The following MPP4 variants were observed in gnomAD, a reference collection of about 807,000 sequenced individuals.
MPP4 encodes the protein MAGUK p55 scaffold protein 4, also known as MAGUK p55 subfamily member 4.
Under a neutral mutation model 98.3 loss-of-function variants are expected in MPP4, and 91 were observed. The observed-to-expected ratio is 0.93, with a 90% CI of 0.78 to 1.10. The LOEUF (loss-of-function observed/expected upper bound fraction) is 1.10. MPP4 is among the 50% of genes least tolerant of loss of function. The pLI, the probability that MPP4 is intolerant of heterozygous loss-of-function variation, is 0.00. For missense variants in MPP4, 744 were observed against 792.9 expected, an observed-to-expected ratio of 0.94 and a Z score of 0.74; for synonymous variants, 261 against 271.8, an observed-to-expected ratio of 0.96 and a Z score of 0.39.
At chr2:201,687,248 T>C in intron 5 of MPP4, 43 bp downstream of exon 5, 1 of 1,473,572 alleles carries the variant, frequency 6.8e-7, no homozygotes, top group South Asian at 1.2e-5. Context: ...ACTTTGTCTA[T>C]GTGCCAGATG....
intron 20 of MPP4, among the ~76,000 whole-genome samples, chr2:201,648,108 C>G (rs114495813): frequency 6.6e-5 from 10 of 152,260 alleles, no homozygotes; most frequent in Admixed American, 5.9e-4. Flanking sequence ...CTGCAACTAC[C>G]GCCTTCCCAG....
rs1687677227 is a variant in MPP4, at chr2:201,650,180, G to T, written c.1382-15C>A. On this transcript the variant is annotated splice_polypyrimidine_tract_variant and intron_variant, in intron 18 of 21. Coordinates refer to ENST00000409474, the MANE Select transcript of MPP4 (RefSeq NM_033066.3). ...ACGAGTAGTGTCTATCAGAAAAAGG[G>T]AATGAAAGGTTTCAGTGTCTTCAGA... 6.4e-7 allele frequency: 1 copy of T among 1,551,786 alleles called. No individual in the cohort carries two copies.
rs1688824601 is a variant in MPP4, at chr2:201,686,172, GAC to G, written c.361-124_361-123del. Reference sequence around the variant, plus strand: ...AACAAACACCAATACAGACATGCCAGACACAGTGCGAAGCATTTTATATGAAT... The same window carrying G: ...AACAAACACCAATACAGACATGCCAGACAGTGCGAAGCATTTTATATGAAT... On this transcript the variant is annotated intron_variant, in intron 5 of 21. Transcript: ENST00000409474. 5 of 1,156,832 alleles carry G rather than the reference GAC, an allele frequency of 4.3e-6. No homozygotes were observed. The East Asian group carries it at 1.3e-4, about 29-fold the overall frequency. The allele number at this position is 1,156,832 out of a possible 1,614,324, so 71.7% of individuals were successfully genotyped here.
At position 201,686,016 on chromosome 2, in the gene MPP4, T is replaced by C; in HGVS notation, c.395A>G (p.Lys132Arg). 3 of 1,612,550 alleles carry C rather than the reference T, an allele frequency of 1.9e-6. No homozygotes were observed. The highest frequency in any genetic ancestry group is 2.5e-6 in the Non-Finnish European group (3 of 1,178,738). ...LLSAHDTIAQ[K>R]DFEPLLPPLP... ...TGGAGGGAGAAGGGGTTCAAAATCT[T>C]TCTGAGCTATCGTGTCATGGGCACT... is the stretch of plus-strand genomic sequence containing the variant. Residue 132 changes from lysine to arginine, a missense_variant, in exon 6 of 22, where the codon AAA (lysine) becomes AGA (arginine). Transcript: ENST00000409474.
chr2:201,698,597 G>A lies in MPP4; in HGVS notation c.-111C>T. 2.3e-6 allele frequency: 3 copies of A among 1,303,908 alleles called. No homozygotes were observed. The highest frequency in any genetic ancestry group is 1.5e-5 in the African/African-American group (1 of 65,948). 80.8% of individuals were successfully genotyped at this position (1,303,908 alleles called of 1,614,324 possible). ...GCCAAGGTCTCTTACCTGCAAGACT[G>A]TAAACATGCATGTTGCTCCTATCCA... is the stretch of plus-strand genomic sequence containing the variant. On this transcript the variant is annotated 5_prime_UTR_variant, in exon 1 of 22. Transcript: ENST00000409474.
At chr2:201,681,614 G>A in intron 8 of MPP4, 47 bp from the exon 9 acceptor site, 1 of 1,450,612 alleles carries the variant, frequency 6.9e-7, no homozygotes, top group Non-Finnish European at 9.7e-7. Context: ...GAGCTAGCAG[G>A]GTTACTGGGG....
Position 201,656,237 on chromosome 2 carries a change from G to T in MPP4, c.1261C>A (p.Arg421=), listed in dbSNP as rs763154493. The T allele has an allele frequency of 4.4e-6, 7 of 1,604,540 alleles. No homozygotes were observed. The highest frequency in any genetic ancestry group is 6.0e-6 in the Non-Finnish European group (7 of 1,175,650). The change falls in exon 17 of 22, where the codon CGA becomes AGA. Residue 421 remains arginine, a synonymous_variant. Coordinates refer to ENST00000409474, the MANE Select transcript of MPP4 (RefSeq NM_033066.3). Reference sequence around the variant, plus strand: ...AGGCGGTACTTGTCTGAAGGGCGTCGCTGGTACCTCACCACCTCCTCGTAA... The same window carrying T: ...AGGCGGTACTTGTCTGAAGGGCGTCTCTGGTACCTCACCACCTCCTCGTAA... ...APYEEVVRYQ[R]RPSDKYRLIV... is the part of the protein sequence containing the mutation.
At chr2:201,691,491 T>TA (rs1043747819) in intron 3 of MPP4, among the ~76,000 whole-genome samples, 3 of 152,156 alleles carry the variant, frequency 2.0e-5, no homozygotes, top group Non-Finnish European at 4.4e-5. Context: ...TTAGCCAAAT[T>TA]AAAAAAGAAT....
chr2:201,680,944 T>A lies in MPP4; in HGVS notation c.823A>T (p.Ile275Phe). ...TCATTCTGGTCCACAATCTGGAGGA[T>A]GTCCCCCTTCTGGAAAGGCAATCCA... ...DAGLPFQKGD[I>F]LQIVDQNDAL... Residue 275 changes from isoleucine (I) to phenylalanine (F), a missense_variant, in exon 10 of 22, where the codon ATC becomes TTC. Transcript: ENST00000409474. 1 of 1,613,922 alleles carries A rather than the reference T, an allele frequency of 6.2e-7. No individual in the cohort carries two copies. The highest frequency in any genetic ancestry group is 8.5e-7 in the Non-Finnish European group (1 of 1,179,866).
intron 10 of MPP4, among the ~76,000 whole-genome samples, chr2:201,678,499 G>C (rs968312274): frequency 6.6e-6 from 1 of 152,108 alleles, no homozygotes; most frequent in Non-Finnish European, 1.5e-5. Context: ...CTTCAAGAGG[G>C]GGATGTTTCC....
intron 8 of MPP4, 59 bp downstream of exon 8, chr2:201,682,772 C>T: frequency 6.8e-7 from 1 of 1,479,272 alleles, no homozygotes. Context: ...GCTTGATGGT[C>T]CCAGTTCAGC....
rs373448920 is a variant in MPP4, at chr2:201,685,086, G to A, written c.552C>T (p.His184=). 6.0e-5 allele frequency: 97 copies of A among 1,611,784 alleles called. No homozygotes were observed. Among genetic ancestry groups the A allele is most frequent in the East Asian group, 2.7e-4 (12 of 44,810 alleles). ...TACCACTTCTCTCCGCCAGCCCACCGTGGATGATCCTGGCCACCAAGATGT... is the reference window on the plus strand; with the variant it reads ...TACCACTTCTCTCCGCCAGCCCACCATGGATGATCCTGGCCACCAAGATGT... ...TGDILVARII[H]GGLAERSGLL... Residue 184 remains histidine, a synonymous_variant, in exon 7 of 22, where the codon CAC becomes CAT. Transcript: ENST00000409474.
intron 10 of MPP4, among the ~76,000 whole-genome samples, chr2:201,678,367 C>T (rs917702664): frequency 5.9e-5 from 9 of 152,192 alleles, no homozygotes; most frequent in Non-Finnish European, 1.2e-4. Context: ...CACCCACCCA[C>T]GCCCTCTGGA....
intron 13 of MPP4, chr2:201,664,317 A>G (rs1261250097): frequency 6.9e-7 from 1 of 1,453,064 alleles, no homozygotes; most frequent in Non-Finnish European, 9.2e-7. Context: ...CCATGATGAC[A>G]GTCAGGGGTG....
rs370545242 is a variant in MPP4 at position 201,663,623 on chromosome 2, G to A, written c.1072+458C>T. On this transcript the variant is annotated intron_variant, in intron 14 of 21. Transcript: ENST00000409474. Reference sequence around the variant, plus strand: ...CCCAGCTACTTGGGAGGCTAAAGTGGGAGGATCACCTGAGCCAAGGAAGTC... The same window carrying A: ...CCCAGCTACTTGGGAGGCTAAAGTGAGAGGATCACCTGAGCCAAGGAAGTC... Among the ~76,000 whole-genome samples, 84 of 152,262 alleles carry A rather than the reference G, an allele frequency of 5.5e-4. 1 individual carries two copies. The East Asian group carries it at 7.1e-3, about 13-fold the overall frequency.
Position 201,692,947 on chromosome 2 carries a change from G to A in MPP4, c.162C>T (p.Tyr54=), listed in dbSNP as rs772394912. The A allele has an allele frequency of 1.7e-5, 28 of 1,611,746 alleles. No individual in the cohort carries two copies. The highest frequency in any genetic ancestry group is 6.7e-5 in the African/African-American group (5 of 74,856). Residue 54 remains tyrosine, a synonymous_variant, in exon 3 of 22, where the codon TAC becomes TAT. Transcript: ENST00000409474. ...GRDVNGVCLL[Y]DLLHSPWLQA... ...GAAGCCACGGCGAGTGGAGGAGATCGTACAAGAGACACACTCCATTCACAT... is the reference window on the plus strand; with the variant it reads ...GAAGCCACGGCGAGTGGAGGAGATCATACAAGAGACACACTCCATTCACAT...
At chr2:201,682,469 T>A (rs551472648) in intron 8 of MPP4, among the ~76,000 whole-genome samples, 21 of 152,274 alleles carry the variant, frequency 1.4e-4, no homozygotes, top group African/African-American at 4.6e-4. Flanking sequence ...AGGAGTGGTT[T>A]GCTTGGGTTC....
chr2:201,660,190 T>C, intron 15 of MPP4, 142 bp downstream of exon 15: 1 of 780,382 alleles, frequency 1.3e-6, no homozygotes, highest in African/African-American at 1.7e-5. Context: ...GGAAAAAATG[T>C]AAATATGAGG....
intron 15 of MPP4, among the ~76,000 whole-genome samples, chr2:201,659,829 G>A (rs186407129): frequency 6.9e-4 from 105 of 152,146 alleles, no homozygotes; most frequent in Non-Finnish European, 1.3e-3. Flanking sequence ...GAGAGACTTC[G>A]TCTCAAATAT....
Sources: allele counts gnomAD v4.1 joint callset (sites outside exome capture counted in the v4.1 genomes callset), GRCh38; gene constraint gnomAD v4.1.1; transcripts MANE v1.5; gene names NCBI Gene and HGNC (gene_info 2026-07-23, HGNC 2026-07-21).